Variants in MAST2 observed in about 807,000 individuals in gnomAD.
MAST2 encodes the protein microtubule-associated serine/threonine-protein kinase 2.
Under a neutral mutation model 147.4 loss-of-function variants are expected in MAST2, and 70 were observed. The observed-to-expected ratio is 0.47, with a 90% CI of 0.39 to 0.58. The LOEUF (loss-of-function observed/expected upper bound fraction) is 0.58, where lower values mean the gene tolerates loss of function less well. MAST2 is among the 20% of genes least tolerant of loss of function. MAST2 has a pLI of 0.00. For missense variants in MAST2, 2,080 were observed against 2,302.3 expected, an observed-to-expected ratio of 0.90 and a Z score of 1.98; for synonymous variants, 869 against 896.8, an observed-to-expected ratio of 0.97 and a Z score of 0.55.
intron 4 of MAST2, among the ~76,000 whole-genome samples, chr1:45,898,922 G>A (rs539868426): frequency 6.6e-6 from 1 of 152,064 alleles, no homozygotes; most frequent in Non-Finnish European, 1.5e-5. Flanking sequence ...AATCTCCTTA[G>A]GGCCATGCTC....
At chr1:45,912,032 TATC>T (rs1651761758) in intron 4 of MAST2, among the ~76,000 whole-genome samples, 1 of 152,046 alleles carries the variant, frequency 6.6e-6, no homozygotes, top group Non-Finnish European at 1.5e-5. Flanking sequence ...CTGACCCTGA[TATC>T]ATCACAAGGC....
intron 7 of MAST2, among the ~76,000 whole-genome samples, chr1:46,005,934 T>C (rs1388995556): frequency 6.6e-6 from 1 of 152,188 alleles, no homozygotes; most frequent in Non-Finnish European, 1.5e-5. Flanking sequence ...ACCTAAAACA[T>C]GTCCCAAGTG....
Position 46,021,854 on chromosome 1 carries a change from T to C in MAST2, c.1291-96T>C, listed in dbSNP as rs545412300. Reference sequence around the variant, plus strand: ...GGAGTGTCCTATCACAGAGAAAGTCTTGTTCATCTCAGTCTACTATATGCT... The same window carrying C: ...GGAGTGTCCTATCACAGAGAAAGTCCTGTTCATCTCAGTCTACTATATGCT... On this transcript the variant is annotated intron_variant, in intron 11 of 28. Transcript: ENST00000361297. 1.2e-4 allele frequency: 148 copies of C among 1,188,626 alleles called. 1 individual carries two copies. Among genetic ancestry groups the C allele is most frequent in the Admixed American group, 9.7e-4 (48 of 49,458 alleles). 73.6% of individuals were successfully genotyped at this position (1,188,626 alleles called of 1,614,324 possible). A position where few individuals can be genotyped will look rare whatever the true frequency, so the allele number is the denominator to read the frequency against.
intron 4 of MAST2, among the ~76,000 whole-genome samples, chr1:45,899,105 C>T (rs1049466973): frequency 1.3e-5 from 2 of 152,106 alleles, no homozygotes; most frequent in Non-Finnish European, 2.9e-5. Context: ...ATTCAGCCCA[C>T]CAAGCAGATC....
At chr1:45,917,664 T>C in intron 4 of MAST2, 3 of 609,752 alleles carry the variant, frequency 4.9e-6, no homozygotes, top group Non-Finnish European at 7.6e-6. Flanking sequence ...AAGAGTAAAA[T>C]AAATATCACA....
intron 3 of MAST2, among the ~76,000 whole-genome samples, chr1:45,832,334 T>TAGA (rs1644983895): frequency 6.6e-6 from 1 of 151,670 alleles, no homozygotes; most frequent in Non-Finnish European, 1.5e-5. Context: ...AGGTTCTCCC[T>TAGA]CTGTTGTCCA....
At chr1:45,954,178 C>T (rs1659336206) in intron 4 of MAST2, among the ~76,000 whole-genome samples, 1 of 152,142 alleles carries the variant, frequency 6.6e-6, no homozygotes, top group African/African-American at 2.4e-5. Flanking sequence ...ACTGGAGAGA[C>T]CTAAGGGATC....
At chr1:45,890,802 C>G (rs548110486) in intron 4 of MAST2, among the ~76,000 whole-genome samples, 63 of 152,230 alleles carry the variant, frequency 4.1e-4, no homozygotes, top group African/African-American at 1.5e-3. Flanking sequence ...GAACTTGTTC[C>G]AAACATTGGT....
chr1:46,010,459 G>A (rs988916642), intron 9 of MAST2, among the ~76,000 whole-genome samples: 6 of 152,180 alleles, frequency 3.9e-5, no homozygotes, highest in Admixed American at 6.5e-5. Context: ...CTGTGTGTCC[G>A]TACAGCAAAA....
At chr1:45,954,963 A>G (rs998544524) in intron 4 of MAST2, among the ~76,000 whole-genome samples, 4 of 147,234 alleles carry the variant, frequency 2.7e-5, no homozygotes, top group Admixed American at 6.8e-5. Context: ...AGTTTGATTT[A>G]CCTTTCATAG....
chr1:45,941,136 T>C (rs1229490357), intron 4 of MAST2, among the ~76,000 whole-genome samples: 2 of 152,232 alleles, frequency 1.3e-5, no homozygotes, highest in Non-Finnish European at 2.9e-5. Flanking sequence ...TTTCCTCTTG[T>C]CTTGATTCTA....
chr1:45,900,408 T>C (rs1345515063), intron 4 of MAST2, among the ~76,000 whole-genome samples: 4 of 151,940 alleles, frequency 2.6e-5, no homozygotes, highest in Non-Finnish European at 5.9e-5. Context: ...CTTATTGTGG[T>C]TTAATTTTCA....
In MAST2 at chr1:46,025,734, G is replaced by A. The variant is rs202035324; in HGVS notation, c.1838G>A (p.Arg613His). ...NIGALPVDMV[R>H]LYFAETVLAL... is the part of the protein sequence containing the mutation. ...GGGGCCCTGCCTGTGGACATGGTGC[G>A]TCTATACTTTGCGGAAACTGTGCTG... The change falls in exon 16 of 29, where the codon CGT becomes CAT. Residue 613 changes from arginine to histidine, a missense_variant. Coordinates refer to ENST00000361297, the MANE Select transcript of MAST2 (RefSeq NM_015112.3). The A allele has an allele frequency of 3.0e-4, 492 of 1,614,072 alleles. 1 individual carries two copies. The highest frequency in any genetic ancestry group is 4.0e-4 in the Non-Finnish European group (474 of 1,180,038).
chr1:46,031,217 C>T lies in MAST2; in HGVS notation c.2919C>T (p.Val973=), dbSNP rs1646650825. 1.9e-6 allele frequency: 3 copies of T among 1,552,610 alleles called. No homozygotes were observed. The highest frequency in any genetic ancestry group is 1.7e-6 in the Non-Finnish European group (2 of 1,146,818). ...PPSGEGVSGP[V]TEHSGEQRPK... ...CTGGAGAGGGGGTATCTGGGCCTGT[C>T]ACTGAACACTCAGGGGAGCAGCGGC... is the stretch of plus-strand genomic sequence containing the variant. The change falls in exon 23 of 29, where the codon GTC becomes GTT. Residue 973 remains valine, a synonymous_variant. Transcript: ENST00000361297. This position sits in a 1 kb window ranked among gnomAD's most constrained non-coding sequence, Gnocchi z 4.1.
At chr1:45,846,553 G>A (rs967471833) in intron 3 of MAST2, among the ~76,000 whole-genome samples, 1 of 152,240 alleles carries the variant, frequency 6.6e-6, no homozygotes. Flanking sequence ...CAGGTGCGGT[G>A]GCTCATACCT....
At chr1:45,997,071 T>G (rs959236986) in intron 5 of MAST2, among the ~76,000 whole-genome samples, 8 of 152,144 alleles carry the variant, frequency 5.3e-5, no homozygotes, top group Non-Finnish European at 1.0e-4. Flanking sequence ...TTAAGAACCA[T>G]TGGGATTAAT....
In MAST2 at chr1:46,029,737, A is replaced by G. The variant is rs2486446; in HGVS notation, c.2321-94A>G. On this transcript the variant is annotated intron_variant, in intron 19 of 28. Coordinates refer to ENST00000361297, the MANE Select transcript of MAST2 (RefSeq NM_015112.3). ...AGATGCTTGAGCTGATCCCCTAGGT[A>G]TAGCTTCTGAAGGTCTGGCTTCTTG... 0.015 allele frequency: 21,991 copies of G among 1,492,352 alleles called. 2,705 individuals are homozygous for G. In the African/African-American group the frequency reaches 0.27, roughly 18 times the overall value. 92.4% of individuals were successfully genotyped at this position (1,492,352 alleles called of 1,614,324 possible).
intron 1 of MAST2, among the ~76,000 whole-genome samples, chr1:45,818,886 T>G (rs1644535681): frequency 6.6e-6 from 1 of 152,136 alleles, no homozygotes. Context: ...AAACAGCAAG[T>G]AAATAAGTCT....
intron 3 of MAST2, chr1:45,847,518 G>T (rs985639659): frequency 1.3e-6 from 1 of 788,848 alleles, no homozygotes; most frequent in Non-Finnish European, 2.0e-6. Flanking sequence ...TTATTTGTGG[G>T]CCTCTCTCAT....
Sources: allele counts gnomAD v4.1 joint callset (sites outside exome capture counted in the v4.1 genomes callset), GRCh38; gene constraint gnomAD v4.1.1; non-coding constraint Gnocchi (gnomAD v3.1); transcripts MANE v1.5; gene names NCBI Gene and HGNC (gene_info 2026-07-23, HGNC 2026-07-21).